The following ZC3H12B variants were observed in gnomAD, a reference collection of about 807,000 sequenced individuals.
ZC3H12B encodes zinc finger CCCH-type containing 12B.
Under a neutral mutation model 43.9 loss-of-function variants are expected in ZC3H12B, and 7 were observed. The ratio of observed to expected loss-of-function variants is 0.16; its 90% confidence interval spans 0.09 to 0.30. ZC3H12B has a LOEUF of 0.30. Ranked by LOEUF, ZC3H12B falls within the 10% of genes least tolerant of loss-of-function variation. ZC3H12B has a pLI of 1.00. For synonymous variants in ZC3H12B, 222 were observed against 241.7 expected (o/e 0.92, Z 0.76); for missense variants, 475 against 670.2 (o/e 0.71, Z 3.22).
chrX:65,340,017 C>T, the ZC3H12B span, among the ~76,000 whole-genome samples: 1 of 111,785 alleles, frequency 8.9e-6, no homozygotes, highest in East Asian at 2.8e-4. Context: ...GCAGTCAGAG[C>T]CTTGATGGGC....
intron 2 of ZC3H12B, among the ~76,000 whole-genome samples, chrX:65,376,394 C>G (rs2066346737): frequency 1.8e-5 from 2 of 111,623 alleles, no homozygotes; most frequent in Admixed American, 1.9e-4. Flanking sequence ...TTATGACCGG[C>G]AAATTGTAGT....
At chrX:65,220,443 C>T in the ZC3H12B span, among the ~76,000 whole-genome samples, 3 of 111,942 alleles carry the variant, frequency 2.7e-5, no homozygotes, top group Non-Finnish European at 5.6e-5. Context: ...AACCAAATAT[C>T]TGCTGTCTTC....
chrX:65,440,912 A>G (rs1174430952), intron 3 of ZC3H12B, among the ~76,000 whole-genome samples: 1 of 112,454 alleles, frequency 8.9e-6, no homozygotes, highest in Non-Finnish European at 1.9e-5. Flanking sequence ...CTTTGCTGCC[A>G]TTGTTCTATC....
At chrX:65,131,898 G>A in the ZC3H12B span, among the ~76,000 whole-genome samples, 1 of 111,455 alleles carries the variant, frequency 9.0e-6, no homozygotes, top group Non-Finnish European at 1.9e-5. Flanking sequence ...AGATTCAAAG[G>A]AGGGTCTATA....
the ZC3H12B span, among the ~76,000 whole-genome samples, chrX:65,059,226 C>A: frequency 2.9e-5 from 2 of 69,948 alleles, no homozygotes; most frequent in Admixed American, 2.9e-4. Context: ...ACCACCCCCC[C>A]CCCGCCCCAG....
At chrX:65,420,684 T>C (rs1196112636) in intron 3 of ZC3H12B, among the ~76,000 whole-genome samples, 1 of 111,250 alleles carries the variant, frequency 9.0e-6, no homozygotes, top group Admixed American at 9.5e-5. Context: ...AGCACACAAA[T>C]AGACAATTAG....
At chrX:65,153,871 A>G in the ZC3H12B span, among the ~76,000 whole-genome samples, 819 of 111,064 alleles carry the variant, frequency 7.4e-3, 11 homozygotes, top group African/African-American at 0.025. Context: ...AAAATGTGGC[A>G]CATATACACC....
intron 3 of ZC3H12B, among the ~76,000 whole-genome samples, 172 bp downstream of exon 5, chrX:65,398,876 C>T (rs777182518): frequency 1.3e-4 from 14 of 111,739 alleles, no homozygotes; most frequent in Non-Finnish European, 2.4e-4. Context: ...AGTCTGTTCA[C>T]CTGCAGTGGA....
chrX:65,403,393 T>G (rs1308798305), intron 3 of ZC3H12B, among the ~76,000 whole-genome samples: 1 of 111,366 alleles, frequency 9.0e-6, no homozygotes, highest in Admixed American at 9.6e-5. Context: ...GAGGAAGAGA[T>G]AGGGGTACAA....
chrX:65,309,442 C>A, the ZC3H12B span, among the ~76,000 whole-genome samples: 1 of 111,679 alleles, frequency 9.0e-6, no homozygotes, highest in Non-Finnish European at 1.9e-5. Flanking sequence ...CAAGACTAAA[C>A]CAGGAAGAAG....
the ZC3H12B span, among the ~76,000 whole-genome samples, chrX:65,333,374 T>A: frequency 8.9e-6 from 1 of 112,116 alleles, no homozygotes; most frequent in Non-Finnish European, 1.9e-5. Flanking sequence ...AAGTTAAGTA[T>A]AATCACAACT....
the ZC3H12B span, among the ~76,000 whole-genome samples, chrX:65,306,510 C>A: frequency 9.0e-6 from 1 of 110,834 alleles, no homozygotes; most frequent in Non-Finnish European, 1.9e-5. Flanking sequence ...GTAGCTGGGA[C>A]TACAGGCACA....
chrX:65,474,924 A>G (rs1022024404), intron 3 of ZC3H12B, among the ~76,000 whole-genome samples: 1 of 112,338 alleles, frequency 8.9e-6, no homozygotes, highest in African/African-American at 3.2e-5. Flanking sequence ...TTGCTGTTTG[A>G]TGAGTTATTT....
At chrX:65,120,488 A>G in the ZC3H12B span, among the ~76,000 whole-genome samples, 1 of 111,370 alleles carries the variant, frequency 9.0e-6, no homozygotes, top group Non-Finnish European at 1.9e-5. Context: ...GATTTTTTGC[A>G]TGTTGATTTT....
the ZC3H12B span, among the ~76,000 whole-genome samples, chrX:65,153,102 A>G: frequency 8.9e-6 from 1 of 112,317 alleles, no homozygotes; most frequent in Non-Finnish European, 1.9e-5. Flanking sequence ...TGAAACACTT[A>G]AATGATAGGC....
chrX:65,382,080 G>A (rs2066449391), intron 2 of ZC3H12B, among the ~76,000 whole-genome samples: 1 of 111,806 alleles, frequency 8.9e-6, no homozygotes, highest in Admixed American at 9.5e-5. Flanking sequence ...GAAAAAGAGG[G>A]AATCCTCCCT....
At chrX:65,228,069 A>C in the ZC3H12B span, among the ~76,000 whole-genome samples, 2 of 111,772 alleles carry the variant, frequency 1.8e-5, no homozygotes, top group Admixed American at 1.9e-4. Flanking sequence ...AGCCTGGCAG[A>C]GACACAACCA....
At chrX:65,119,725 C>G in the ZC3H12B span, among the ~76,000 whole-genome samples, 1 of 111,653 alleles carries the variant, frequency 9.0e-6, no homozygotes, top group African/African-American at 3.3e-5. Context: ...CTTGCCCATG[C>G]CTATGTCCTG....
At chrX:65,224,405 G>T in the ZC3H12B span, among the ~76,000 whole-genome samples, 8 of 112,363 alleles carry the variant, frequency 7.1e-5, no homozygotes, top group Non-Finnish European at 1.3e-4. Context: ...CAAGATGGCC[G>T]AATAGGAACA....
Sources: allele counts gnomAD v4.1 joint callset (sites outside exome capture counted in the v4.1 genomes callset), GRCh38; gene constraint gnomAD v4.1.1; transcripts MANE v1.5; gene names NCBI Gene and HGNC (gene_info 2026-07-23, HGNC 2026-07-21).